The following PAPOLA variants were observed in gnomAD, a reference collection of about 807,000 sequenced individuals.
The protein encoded by PAPOLA is poly(A) polymerase alpha.
A neutral mutation model predicts 100.6 loss-of-function variants in PAPOLA; 15 were observed. That is an observed-to-expected ratio of 0.15 (90% confidence interval 0.10 to 0.23). The LOEUF is 0.23. Ranked by LOEUF, PAPOLA falls within the 10% of genes least tolerant of loss-of-function variation. PAPOLA has a pLI of 1.00. For missense variants in PAPOLA, 533 were observed against 884.2 expected (o/e 0.60, Z 5.04); for synonymous variants, 293 against 300.0 (o/e 0.98, Z 0.24).
At chr14:96,519,793 T>G (rs1897789305) in intron 1 of PAPOLA, among the ~76,000 whole-genome samples, 1 of 152,212 alleles carries the variant, frequency 6.6e-6, no homozygotes, top group African/African-American at 2.4e-5. Context: ...TTTACTATAT[T>G]CTGAATTAGT....
chr14:96,548,872 A>T (rs183336367), intron 16 of PAPOLA, among the ~76,000 whole-genome samples: 1 of 152,302 alleles, frequency 6.6e-6, no homozygotes, highest in Admixed American at 6.5e-5. Context: ...TCTTAAAACA[A>T]TATATTATGA....
intron 1 of PAPOLA, among the ~76,000 whole-genome samples, chr14:96,519,017 A>G (rs1215235146): frequency 6.6e-6 from 1 of 152,038 alleles, no homozygotes; most frequent in African/African-American, 2.4e-5. Flanking sequence ...AGATCGTACC[A>G]CTGTACTCCA....
intron 6 of PAPOLA, among the ~76,000 whole-genome samples, chr14:96,528,577 G>A (rs1288442592): frequency 6.6e-6 from 1 of 152,192 alleles, no homozygotes; most frequent in African/African-American, 2.4e-5. Flanking sequence ...ATAAAGTGAA[G>A]ATTGTAACAT....
intron 1 of PAPOLA, among the ~76,000 whole-genome samples, chr14:96,513,765 A>G (rs893163318): frequency 3.3e-5 from 5 of 152,102 alleles, no homozygotes; most frequent in Non-Finnish European, 5.9e-5. Flanking sequence ...AGAATTCTTT[A>G]TGTATTCAGA....
intron 16 of PAPOLA, among the ~76,000 whole-genome samples, chr14:96,548,535 T>C (rs1176508064): frequency 6.6e-6 from 1 of 152,092 alleles, no homozygotes; most frequent in African/African-American, 2.4e-5. Flanking sequence ...GTTTTTTCTT[T>C]AAGTGATTTC....
chr14:96,522,523 A>G (rs1898090007), intron 3 of PAPOLA, among the ~76,000 whole-genome samples: 1 of 150,292 alleles, frequency 6.7e-6, no homozygotes, highest in African/African-American at 2.5e-5. Flanking sequence ...CAATCCTCCC[A>G]CCCCAGCCTC....
intron 7 of PAPOLA, chr14:96,531,819 A>C: frequency 7.1e-7 from 1 of 1,410,554 alleles, no homozygotes; most frequent in Non-Finnish European, 9.2e-7. Context: ...AGGACACTTA[A>C]AAAGACCATC....
intron 15 of PAPOLA, 178 bp from the exon 16 acceptor site, chr14:96,547,619 G>A: frequency 2.1e-6 from 1 of 476,980 alleles, no homozygotes; most frequent in East Asian, 3.6e-5. Context: ...TCATCTTGTG[G>A]TAAAAGGAGT....
intron 15 of PAPOLA, among the ~76,000 whole-genome samples, chr14:96,546,934 A>G (rs1313681804): frequency 6.6e-6 from 1 of 152,128 alleles, no homozygotes; most frequent in Admixed American, 6.6e-5. Flanking sequence ...CTATTTCACC[A>G]GGTACTCTCA....
At chr14:96,560,149 C>T (rs1051141703) in intron 19 of PAPOLA, among the ~76,000 whole-genome samples, 2 of 152,094 alleles carry the variant, frequency 1.3e-5, no homozygotes, top group Non-Finnish European at 2.9e-5. Flanking sequence ...CAAGGCATTT[C>T]TCAAGTCTTG....
chr14:96,561,592 A>G (rs2140339303), intron 20 of PAPOLA, among the ~76,000 whole-genome samples: 1 of 152,340 alleles, frequency 6.6e-6, no homozygotes, highest in African/African-American at 2.4e-5. Flanking sequence ...TAAAAAAGAA[A>G]GTTGTGCTTT....
chr14:96,542,862 T>C lies in PAPOLA; in HGVS notation c.1258T>C (p.Ser420Pro). ...TACACTGGCTCATGTGAATCCCCAG[T>C]CATTTCCAGCACCCAAAGAAAATCC... ...FITLAHVNPQSFPAPKENPDK... is the reference protein window; with the variant it reads ...FITLAHVNPQPFPAPKENPDK... The change falls in exon 14 of 22, where the codon TCA becomes CCA. Residue 420 changes from serine (S) to proline (P), a missense_variant. Around this residue, in one of 9 missense-constraint regions of PAPOLA, gnomAD observed 87 missense variants for 173.3 expected, o/e 0.50. Transcript: ENST00000216277. 6.2e-7 allele frequency: 1 copy of C among 1,612,612 alleles called. No homozygotes were observed.
rs370979875 is a variant in PAPOLA, at chr14:96,559,581, C to CTCTCTATATA, written c.2005-1067_2005-1066insCTCTATATAT. ...TCTCTCTCTCTCTCTCTCTCTCTCT[C>CTCTCTATATA]TATATATATATATATACACACACAC... On this transcript the variant is annotated intron_variant, in intron 19 of 21. Transcript: ENST00000216277. Among the ~76,000 whole-genome samples the CTCTCTATATA allele has an allele frequency of 3.4e-3, 406 of 120,160 alleles. 2 individuals carry two copies. The highest frequency in any genetic ancestry group is 7.9e-3 in the African/African-American group (235 of 29,804). The allele number at this position is 120,160 out of a possible 152,430, so 78.8% of individuals were successfully genotyped here.
At chr14:96,507,470 G>A (rs1174475944) in intron 1 of PAPOLA, among the ~76,000 whole-genome samples, 2 of 151,596 alleles carry the variant, frequency 1.3e-5, no homozygotes, top group Non-Finnish European at 1.5e-5. Context: ...TGTATTTTTA[G>A]TAGAGACGGG....
At chr14:96,537,081 C>A (rs373963119) in intron 12 of PAPOLA, 21 bp downstream of exon 12, 2 of 1,309,870 alleles carry the variant, frequency 1.5e-6, no homozygotes, top group African/African-American at 2.9e-5. Context: ...TAAGGCATGT[C>A]GGACATGTTG....
chr14:96,560,409 T>G (rs576197545), intron 19 of PAPOLA: 10 of 383,928 alleles, frequency 2.6e-5, no homozygotes, highest in South Asian at 4.7e-5. Flanking sequence ...GAAATGTACT[T>G]TAGGTGGTGA....
intron 1 of PAPOLA, among the ~76,000 whole-genome samples, chr14:96,518,576 A>AT (rs1269186345): frequency 6.6e-6 from 1 of 151,712 alleles, no homozygotes. Context: ...CGCCCAGCTA[A>AT]TTTTTTGTAT....
chr14:96,544,038 T>G (rs1023931780), intron 14 of PAPOLA, 111 bp from the exon 15 acceptor site: 2 of 659,752 alleles, frequency 3.0e-6, no homozygotes, highest in Admixed American at 5.4e-5. Context: ...GAACTTTTAG[T>G]TTGCTCATAC....
At chr14:96,560,753 T>C (rs768742716) in intron 20 of PAPOLA, 42 bp downstream of exon 20, 1 of 1,165,908 alleles carries the variant, frequency 8.6e-7, no homozygotes, top group South Asian at 1.3e-5. Flanking sequence ...CAATTAAGAG[T>C]ACAGAAGATG....
Sources: gnomAD v4.1 joint callset for allele counts (sites outside exome capture counted in the v4.1 genomes callset) on GRCh38, gnomAD v4.1.1 for gene constraint, gnomAD v4.1.1 regional missense constraint, MANE v1.5 for transcripts, NCBI Gene and HGNC (gene_info 2026-07-23, HGNC 2026-07-21) for gene names.